The following QTMAN variants were observed in gnomAD, a reference collection of about 807,000 sequenced individuals.
QTMAN encodes the protein queuosine-tRNA mannosyltransferase.
At chr2:144,279,288 C>T in the QTMAN span, among the ~76,000 whole-genome samples, 6 of 150,970 alleles carry the variant, frequency 4.0e-5, no homozygotes, top group African/African-American at 1.5e-4. Flanking sequence ...CAATGTTTTC[C>T]AGGAAGAGTG....
At chr2:144,243,742 CT>C in the QTMAN span, among the ~76,000 whole-genome samples, 1 of 152,182 alleles carries the variant, frequency 6.6e-6, no homozygotes, top group African/African-American at 2.4e-5. Context: ...ATATATACTA[CT>C]GTATTTTACT....
At chr2:144,047,799 A>T in the QTMAN span, among the ~76,000 whole-genome samples, 1 of 152,272 alleles carries the variant, frequency 6.6e-6, no homozygotes, top group Admixed American at 6.5e-5. Flanking sequence ...TTTCATTTTG[A>T]AAACATACTT....
chr2:144,278,962 C>T, the QTMAN span, among the ~76,000 whole-genome samples: 1 of 152,038 alleles, frequency 6.6e-6, no homozygotes. Context: ...GTAACAAATG[C>T]ACAGTAGGTG....
chr2:144,014,105 A>T, the QTMAN span, among the ~76,000 whole-genome samples: 11 of 152,322 alleles, frequency 7.2e-5, no homozygotes, highest in Middle Eastern at 6.8e-3. Flanking sequence ...CATTAAACAG[A>T]AAGACACACT....
chr2:144,021,823 C>T, the QTMAN span, among the ~76,000 whole-genome samples: 8 of 152,128 alleles, frequency 5.3e-5, no homozygotes, highest in African/African-American at 1.9e-4. Flanking sequence ...ATTTATTTAA[C>T]CAAAAGTTGA....
chr2:144,184,857 A>T, the QTMAN span, among the ~76,000 whole-genome samples: 6 of 152,238 alleles, frequency 3.9e-5, no homozygotes, highest in South Asian at 6.2e-4. Flanking sequence ...AGTAAATTTT[A>T]AAAATAAGAG....
the QTMAN span, among the ~76,000 whole-genome samples, chr2:144,152,826 C>T: frequency 1.3e-5 from 2 of 152,006 alleles, no homozygotes; most frequent in South Asian, 2.1e-4. Context: ...TGAAATAAGC[C>T]GTAAATACAG....
chr2:144,294,260 A>G, the QTMAN span: 1 of 152,212 alleles, frequency 6.6e-6, no homozygotes, highest in Admixed American at 6.5e-5. Context: ...CTTTTGCAGA[A>G]GCGCCCTGTT....
chr2:144,031,414 C>T, the QTMAN span, among the ~76,000 whole-genome samples: 9 of 151,884 alleles, frequency 5.9e-5, no homozygotes, highest in African/African-American at 7.3e-5. Flanking sequence ...CTTGTAGACT[C>T]GAACAAGAAA....
chr2:144,008,286 C>T, the QTMAN span, among the ~76,000 whole-genome samples: 306 of 151,964 alleles, frequency 2.0e-3, 2 homozygotes, highest in African/African-American at 7.0e-3. Flanking sequence ...GCCAACTAAC[C>T]TACGCTGGAA....
At chr2:143,983,911 CT>C in the QTMAN span, among the ~76,000 whole-genome samples, 4 of 152,144 alleles carry the variant, frequency 2.6e-5, no homozygotes, top group African/African-American at 9.7e-5. Context: ...TAAAGTAAAA[CT>C]TTTATTTGTG....
chr2:144,029,917 AGTGTGT>A, the QTMAN span, among the ~76,000 whole-genome samples: 2 of 151,812 alleles, frequency 1.3e-5, no homozygotes, highest in Non-Finnish European at 2.9e-5. Flanking sequence ...CGTGAGTGTG[AGTGTGT>A]GTGTACCCAT....
chr2:144,310,269 G>T, the QTMAN span, among the ~76,000 whole-genome samples: 1 of 152,146 alleles, frequency 6.6e-6, no homozygotes, highest in Admixed American at 6.5e-5. Context: ...AAACAATATG[G>T]TGTCAAACAG....
At chr2:144,133,494 T>A in the QTMAN span, among the ~76,000 whole-genome samples, 7 of 77,696 alleles carry the variant, frequency 9.0e-5, no homozygotes, top group East Asian at 3.5e-4. Context: ...AAAATATATA[T>A]TATATAATAT....
At chr2:144,270,191 T>TAA in the QTMAN span, among the ~76,000 whole-genome samples, 1 of 152,212 alleles carries the variant, frequency 6.6e-6, no homozygotes, top group Non-Finnish European at 1.5e-5. Context: ...ATAGGAATGC[T>TAA]TTTACACTGT....
At chr2:144,249,904 C>A in the QTMAN span, among the ~76,000 whole-genome samples, 4 of 152,072 alleles carry the variant, frequency 2.6e-5, no homozygotes, top group African/African-American at 9.7e-5. Context: ...ATATCCTCTA[C>A]AGTAAGCAAA....
At chr2:144,190,044 G>A in the QTMAN span, among the ~76,000 whole-genome samples, 1 of 152,088 alleles carries the variant, frequency 6.6e-6, no homozygotes, top group Non-Finnish European at 1.5e-5. Context: ...TTATCAGGGT[G>A]GTAATGATAT....
the QTMAN span, among the ~76,000 whole-genome samples, chr2:144,027,565 G>A: frequency 6.6e-6 from 1 of 152,208 alleles, no homozygotes; most frequent in Non-Finnish European, 1.5e-5. Context: ...TATTTGAAAT[G>A]GCTGCCTTCC....
At chr2:144,306,883 T>C in the QTMAN span, among the ~76,000 whole-genome samples, 2 of 151,974 alleles carry the variant, frequency 1.3e-5, no homozygotes, top group African/African-American at 2.4e-5. Flanking sequence ...TACAAATGGC[T>C]GGGCGCGGTG....
Sources: allele counts gnomAD v4.1 joint callset (sites outside exome capture counted in the v4.1 genomes callset), GRCh38; gene constraint gnomAD v4.1.1; transcripts MANE v1.5; gene names NCBI Gene and HGNC (gene_info 2026-07-23, HGNC 2026-07-21).